Variants in TYW1B observed in about 807,000 individuals in gnomAD.
TYW1B encodes S-adenosyl-L-methionine-dependent tRNA 4-demethylwyosine synthase TYW1B.
In TYW1B, 73 loss-of-function variants were observed where a neutral mutation model predicts 86.9. The observed-to-expected ratio is 0.84, with a 90% CI of 0.70 to 1.02. TYW1B has a LOEUF of 1.02. Among genes scored for constraint, TYW1B ranks in the 50% least tolerant of loss-of-function variants. TYW1B has a pLI of 0.00. For missense variants in TYW1B, 637 were observed against 827.4 expected, an observed-to-expected ratio of 0.77 and a Z score of 2.82; for synonymous variants, 248 against 292.8, an observed-to-expected ratio of 0.85 and a Z score of 1.56.
chr7:72,754,816 T>C (rs954927388), intron 7 of TYW1B, among the ~76,000 whole-genome samples: 4 of 152,184 alleles, frequency 2.6e-5, no homozygotes, highest in East Asian at 1.9e-4. Flanking sequence ...CCTTCTAATG[T>C]AGTAATGCCA....
intron 8 of TYW1B, among the ~76,000 whole-genome samples, chr7:72,731,393 C>CAAAAAAAAAAAAAAAAAA (rs59262388): frequency 1.2e-4 from 4 of 33,056 alleles, no homozygotes; most frequent in Non-Finnish European, 1.6e-4. Context: ...TACCAAACTG[C>CAAAAAAAAAAAAAAAAAA]AAAAAAAAAA....
intron 6 of TYW1B, among the ~76,000 whole-genome samples, chr7:72,791,612 C>T (rs1585986694): frequency 6.6e-6 from 1 of 152,150 alleles, no homozygotes; most frequent in Admixed American, 6.6e-5. Context: ...CTCGTCTCTA[C>T]TAAAAACACA....
At chr7:72,718,427 G>A (rs184011840) in intron 9 of TYW1B, among the ~76,000 whole-genome samples, 8 of 152,204 alleles carry the variant, frequency 5.3e-5, no homozygotes, top group African/African-American at 1.4e-4. Flanking sequence ...ACAATACACC[G>A]ATGTAAATAA....
At chr7:72,586,178 T>G (rs1296730498) in intron 13 of TYW1B, among the ~76,000 whole-genome samples, 1 of 152,168 alleles carries the variant, frequency 6.6e-6, no homozygotes, top group Non-Finnish European at 1.5e-5. Flanking sequence ...ATTCCATGCT[T>G]GGAGCTTCCA....
intron 3 of TYW1B, among the ~76,000 whole-genome samples, chr7:72,811,152 T>A (rs1173724621): frequency 6.6e-6 from 1 of 150,526 alleles, no homozygotes; most frequent in African/African-American, 2.4e-5. Context: ...GCGCCTGTAG[T>A]CCCAGCTACT....
intron 7 of TYW1B, chr7:72,769,136 C>T: frequency 2.2e-6 from 1 of 445,878 alleles, no homozygotes. Flanking sequence ...GCTTTCATCT[C>T]TGTGTTGCCA....
At chr7:72,705,134 C>T (rs1191934982) in intron 10 of TYW1B, among the ~76,000 whole-genome samples, 2 of 152,296 alleles carry the variant, frequency 1.3e-5, no homozygotes, top group East Asian at 1.9e-4. Context: ...AAGAATCAGG[C>T]AGTATTCAAT....
chr7:72,700,298 C>T (rs112820336), intron 10 of TYW1B, among the ~76,000 whole-genome samples: 3,676 of 150,732 alleles, frequency 0.024, 64 homozygotes, highest in Non-Finnish European at 0.039. Context: ...CCTCAGCCTC[C>T]GGAGTAGCTG....
chr7:72,773,500 A>T (rs1459038078), intron 7 of TYW1B, among the ~76,000 whole-genome samples: 1 of 152,180 alleles, frequency 6.6e-6, no homozygotes, highest in Non-Finnish European at 1.5e-5. Flanking sequence ...AGACGACCCA[A>T]GCGAAGCCCA....
chr7:72,712,754 C>G (rs1443863297), intron 10 of TYW1B, among the ~76,000 whole-genome samples: 1 of 152,186 alleles, frequency 6.6e-6, no homozygotes, highest in Non-Finnish European at 1.5e-5. Context: ...CAATTGCATA[C>G]CATGCCAGCA....
At chr7:72,652,536 ATGAT>A (rs1159451126) in intron 11 of TYW1B, among the ~76,000 whole-genome samples, 3 of 152,154 alleles carry the variant, frequency 2.0e-5, no homozygotes, top group Non-Finnish European at 4.4e-5. Context: ...ACTATATTGA[ATGAT>A]TGGGAATAGT....
At chr7:72,632,701 A>G (rs1812571447) in intron 11 of TYW1B, among the ~76,000 whole-genome samples, 1 of 149,898 alleles carries the variant, frequency 6.7e-6, no homozygotes. Flanking sequence ...AAATAATAGC[A>G]GGAGTTTGCA....
At chr7:72,647,938 G>A (rs1316188462) in intron 11 of TYW1B, among the ~76,000 whole-genome samples, 2 of 151,806 alleles carry the variant, frequency 1.3e-5, no homozygotes, top group Admixed American at 6.6e-5. Flanking sequence ...CACCCACCTC[G>A]GCCTCCCAAA....
chr7:72,799,473 T>C (rs573641362), intron 6 of TYW1B, among the ~76,000 whole-genome samples: 2 of 151,522 alleles, frequency 1.3e-5, no homozygotes, highest in South Asian at 4.2e-4. Context: ...AGGTCTGCCT[T>C]TTTTTCTTTT....
chr7:72,728,964 T>C, intron 8 of TYW1B, 33 bp from the exon 9 acceptor site: 1 of 1,592,104 alleles, frequency 6.3e-7, no homozygotes, highest in Non-Finnish European at 8.6e-7. Flanking sequence ...TAAAAGACCC[T>C]TCTGTAATAA....
At chr7:72,615,619 G>A (rs1812055121) in intron 13 of TYW1B, among the ~76,000 whole-genome samples, 3 of 152,116 alleles carry the variant, frequency 2.0e-5, no homozygotes, top group Admixed American at 2.0e-4. Context: ...ACAAACACAC[G>A]CCCACAGGAA....
chr7:72,605,747 G>T (rs1351819929), intron 13 of TYW1B, among the ~76,000 whole-genome samples: 1 of 152,310 alleles, frequency 6.6e-6, no homozygotes, highest in East Asian at 1.9e-4. Context: ...AGGAAAAGAT[G>T]TTTTCATGTA....
intron 11 of TYW1B, among the ~76,000 whole-genome samples, chr7:72,685,601 C>T (rs1439223054): frequency 3.0e-5 from 2 of 66,030 alleles, no homozygotes; most frequent in South Asian, 8.3e-4. Flanking sequence ...AACTAGAAAT[C>T]CACATGCAAA....
intron 5 of TYW1B, among the ~76,000 whole-genome samples, chr7:72,806,758 C>T (rs1453753816): frequency 6.6e-6 from 1 of 151,986 alleles, no homozygotes; most frequent in Admixed American, 6.6e-5. Flanking sequence ...TCAAGCAATC[C>T]TCCCAACTCC....
Sources: allele counts gnomAD v4.1 joint callset (sites outside exome capture counted in the v4.1 genomes callset), GRCh38; gene constraint gnomAD v4.1.1; transcripts MANE v1.5; gene names NCBI Gene and HGNC (gene_info 2026-07-23, HGNC 2026-07-21).